Variants in NWD2 observed in about 807,000 individuals in gnomAD.
NWD2 encodes NACHT and WD repeat domain-containing protein 2.
NWD2 carries 37 observed loss-of-function variants against 132.7 expected under a neutral mutation model. The ratio of observed to expected loss-of-function variants is 0.28; its 90% CI spans 0.21 to 0.37. NWD2 has a LOEUF of 0.37. Among genes scored for constraint, NWD2 ranks in the 10% least tolerant of loss-of-function variants. The pLI is 1.00. For missense variants in NWD2, 1,592 were observed against 2,122.4 expected, an observed-to-expected ratio of 0.75 and a Z score of 4.91; for synonymous variants, 705 against 803.0, an observed-to-expected ratio of 0.88 and a Z score of 2.06.
intron 1 of NWD2, among the ~76,000 whole-genome samples, chr4:37,257,168 C>T (rs920608309): frequency 6.6e-6 from 1 of 152,182 alleles, no homozygotes; most frequent in East Asian, 1.9e-4. Context: ...GGTAGATCTT[C>T]ACCCCCGTTG....
intron 3 of NWD2, among the ~76,000 whole-genome samples, chr4:37,429,864 A>T (rs1048585846): frequency 1.3e-5 from 2 of 152,248 alleles, no homozygotes; most frequent in Non-Finnish European, 2.9e-5. Flanking sequence ...GTAAAAAGTT[A>T]TATAGATTTT....
chr4:37,394,799 GTTTTTTTTTTTTTTTT>G (rs1175840735), intron 3 of NWD2, among the ~76,000 whole-genome samples: 2 of 52,596 alleles, frequency 3.8e-5, no homozygotes, highest in South Asian at 1.0e-3. Context: ...AACCTTTATG[GTTTTTTTTTTTTTTTT>G]TTTTTTTTTT....
intron 3 of NWD2, among the ~76,000 whole-genome samples, chr4:37,421,666 T>C (rs898554139): frequency 1.1e-4 from 17 of 152,236 alleles, no homozygotes; most frequent in African/African-American, 3.1e-4. Context: ...TTCTGCTATA[T>C]GTTAGACGAA....
intron 1 of NWD2, among the ~76,000 whole-genome samples, chr4:37,293,628 A>T (rs1656234): frequency 0.84 from 128,479 of 152,236 alleles, 54,783 homozygotes; most frequent in African/African-American, 0.93. Context: ...TTTTCCCTTA[A>T]AATTGGTTCG....
Position 37,378,326 on chromosome 4 carries a change from T to C in NWD2, c.357+21844T>C, listed in dbSNP as rs555157962. On this transcript the variant is annotated intron_variant, in intron 3 of 6. Transcript: ENST00000309447. ...TCTTTATGGACGAGTTTAAGTTCAA[T>C]TTTATTATCTAAGCTTCCTCGAAGA... Among the ~76,000 whole-genome samples the C allele has an allele frequency of 1.5e-3, 236 of 152,374 alleles. 2 individuals are homozygous for C. The highest frequency in any genetic ancestry group is 4.9e-3 in the African/African-American group (204 of 41,584).
At chr4:37,357,103 A>G (rs567126835) in intron 3 of NWD2, among the ~76,000 whole-genome samples, 1 of 152,120 alleles carries the variant, frequency 6.6e-6, no homozygotes, top group East Asian at 1.9e-4. Flanking sequence ...GCAGTAAGAT[A>G]AATAGGTCAT....
intron 3 of NWD2, among the ~76,000 whole-genome samples, chr4:37,377,766 C>CA (rs1720373551): frequency 6.6e-6 from 1 of 151,726 alleles, no homozygotes; most frequent in South Asian, 2.1e-4. Context: ...AAGACATCTT[C>CA]AAAATAAAAT....
intron 1 of NWD2, among the ~76,000 whole-genome samples, chr4:37,307,921 G>T (rs1487109472): frequency 1.3e-5 from 2 of 151,880 alleles, no homozygotes; most frequent in East Asian, 3.9e-4. Flanking sequence ...TAAAAAAATG[G>T]ATTCATTGAT....
intron 2 of NWD2, among the ~76,000 whole-genome samples, chr4:37,355,990 T>G (rs1429090284): frequency 6.6e-6 from 1 of 152,192 alleles, no homozygotes; most frequent in African/African-American, 2.4e-5. Context: ...TTAATACTTA[T>G]GGTAACATTA....
chr4:37,248,590 A>G (rs1717291015), intron 1 of NWD2, among the ~76,000 whole-genome samples: 1 of 152,240 alleles, frequency 6.6e-6, no homozygotes, highest in African/African-American at 2.4e-5. Context: ...TACTTCTGCC[A>G]GAACAGCACT....
chr4:37,248,820 A>G (rs1329909623), intron 1 of NWD2, among the ~76,000 whole-genome samples: 2 of 152,236 alleles, frequency 1.3e-5, no homozygotes, highest in East Asian at 1.9e-4. Flanking sequence ...TTTATTACTG[A>G]TGAAAACAGT....
intron 3 of NWD2, among the ~76,000 whole-genome samples, chr4:37,372,071 T>G (rs1173831965): frequency 6.6e-6 from 1 of 152,172 alleles, no homozygotes; most frequent in Non-Finnish European, 1.5e-5. Flanking sequence ...CTTTAAATCA[T>G]TGTTAGATAA....
intron 6 of NWD2, among the ~76,000 whole-genome samples, chr4:37,441,608 T>C (rs1712486574): frequency 6.6e-6 from 1 of 152,158 alleles, no homozygotes; most frequent in African/African-American, 2.4e-5. Flanking sequence ...TCAGAGTTGG[T>C]CAGTTTAAGG....
intron 3 of NWD2, among the ~76,000 whole-genome samples, chr4:37,383,447 T>G (rs1720496041): frequency 6.6e-6 from 1 of 152,200 alleles, no homozygotes; most frequent in Admixed American, 6.5e-5. Context: ...CTGGGTAATA[T>G]TCTCCCATCA....
At chr4:37,400,224 G>A (rs532117155) in intron 3 of NWD2, among the ~76,000 whole-genome samples, 74 of 152,286 alleles carry the variant, frequency 4.9e-4, no homozygotes, top group African/African-American at 1.8e-3. Flanking sequence ...TCTGTCCTAT[G>A]TATCTTAAGT....
chr4:37,249,290 G>A (rs1717305343), intron 1 of NWD2, among the ~76,000 whole-genome samples: 1 of 152,228 alleles, frequency 6.6e-6, no homozygotes, highest in Admixed American at 6.5e-5. Context: ...ATGGATTGGG[G>A]AAAACCTTTT....
At chr4:37,320,377 G>A (rs1560394024) in intron 1 of NWD2, among the ~76,000 whole-genome samples, 1 of 152,188 alleles carries the variant, frequency 6.6e-6, no homozygotes, top group East Asian at 1.9e-4. Flanking sequence ...CCAGATGCCA[G>A]CAAGGTCTTT....
chr4:37,285,844 C>T (rs1452117567), intron 1 of NWD2, among the ~76,000 whole-genome samples: 2 of 152,110 alleles, frequency 1.3e-5, no homozygotes, highest in Non-Finnish European at 2.9e-5. Flanking sequence ...TAGGGAGTAT[C>T]ACTATTCCAT....
intron 3 of NWD2, among the ~76,000 whole-genome samples, chr4:37,362,396 ACCACATT>A (rs1719998191): frequency 1.3e-5 from 2 of 152,198 alleles, no homozygotes; most frequent in Non-Finnish European, 2.9e-5. Context: ...TGGAGGCATC[ACCACATT>A]ACCCAACTTC....
Sources: allele counts gnomAD v4.1 joint callset (sites outside exome capture counted in the v4.1 genomes callset), GRCh38; gene constraint gnomAD v4.1.1; transcripts MANE v1.5; gene names NCBI Gene and HGNC (gene_info 2026-07-23, HGNC 2026-07-21).